Variants in THSD4 observed in about 807,000 individuals in gnomAD.
THSD4 encodes thrombospondin type 1 domain containing 4.
A neutral mutation model predicts 119.0 loss-of-function variants in THSD4; 69 were observed. That is an observed-to-expected ratio of 0.58 (90% CI 0.48 to 0.71). THSD4 has a LOEUF of 0.71. Among genes scored for constraint, THSD4 ranks in the 30% least tolerant of loss-of-function variants. The pLI is 0.00. For synonymous variants in THSD4, 524 were observed against 540.4 expected (o/e 0.97, Z 0.42); for missense variants, 1,393 against 1,391.1 (o/e 1.00, Z -0.02).
rs139840846 is a variant in THSD4, at chr15:71,170,122, C to T, written c.99+15190C>T. Among the ~76,000 whole-genome samples the T allele has an allele frequency of 2.4e-3, 367 of 150,772 alleles. 1 individual carries two copies. Among genetic ancestry groups the T allele is most frequent in the African/African-American group, 8.0e-3 (329 of 40,984 alleles). Reference sequence around the variant, plus strand: ...CCAGGAGGCGGAAGTTGCAGTGAGCCGAGATCTCACTGGGCAACAGAGTGA... The same window carrying T: ...CCAGGAGGCGGAAGTTGCAGTGAGCTGAGATCTCACTGGGCAACAGAGTGA... On this transcript the variant is annotated intron_variant, in intron 3 of 17. Transcript: ENST00000261862.
rs928803325 is a variant in THSD4, at chr15:71,593,402, C to T, written c.1153-67128C>T. Among the ~76,000 whole-genome samples, 2 of 4,626 alleles carry T rather than the reference C, an allele frequency of 4.3e-4. 1 individual carries two copies. Among genetic ancestry groups the T allele is most frequent in the African/African-American group, 5.7e-4 (2 of 3,482 alleles). The allele number at this position is 4,626 out of a possible 152,430, so 3.0% of individuals were successfully genotyped here. A position where few individuals can be genotyped will look rare whatever the true frequency, so the allele number is the denominator to read the frequency against. The stretch of plus-strand genomic sequence containing the variant: ...TCCCGCCACTGCACTCCAGCCTGGG[C>T]GACAGAGAGAGACTCCGTCTCAAAA... On this transcript the variant is annotated intron_variant, in intron 7 of 17. Coordinates refer to ENST00000261862, the MANE Select transcript of THSD4 (RefSeq NM_024817.3).
chr15:71,697,255 C>A (rs554190528), intron 8 of THSD4, among the ~76,000 whole-genome samples: 2 of 151,938 alleles, frequency 1.3e-5, no homozygotes, highest in African/African-American at 4.8e-5. Flanking sequence ...AGGAGCCATG[C>A]GGAAGGGTGA....
chr15:71,141,957 G>T (rs1313508847), intron 2 of THSD4, among the ~76,000 whole-genome samples: 1 of 152,158 alleles, frequency 6.6e-6, no homozygotes, highest in Non-Finnish European at 1.5e-5. Flanking sequence ...TACAAAATTA[G>T]CTGGGCATGG....
At chr15:71,696,202 G>A (rs916598582) in intron 8 of THSD4, among the ~76,000 whole-genome samples, 5 of 152,312 alleles carry the variant, frequency 3.3e-5, no homozygotes, top group South Asian at 2.1e-4. Context: ...TCTGCAGGCC[G>A]AGAAGTTCAA....
chr15:71,213,445 C>T (rs2043903778), intron 3 of THSD4, among the ~76,000 whole-genome samples: 1 of 152,188 alleles, frequency 6.6e-6, no homozygotes. Flanking sequence ...ATTCTCCCCG[C>T]CTTCACCCTG....
At chr15:71,158,265 T>C (rs967434523) in intron 3 of THSD4, among the ~76,000 whole-genome samples, 1 of 151,094 alleles carries the variant, frequency 6.6e-6, no homozygotes, top group African/African-American at 2.4e-5. Flanking sequence ...GTGATTCTTC[T>C]GCCTCAGCCT....
At chr15:71,320,491 C>T (rs1035604134) in intron 6 of THSD4, among the ~76,000 whole-genome samples, 2 of 152,154 alleles carry the variant, frequency 1.3e-5, no homozygotes, top group Non-Finnish European at 2.9e-5. Context: ...CTAAAGGTCC[C>T]AGATGTTACT....
In THSD4 at chr15:71,729,061, T is replaced by G. The variant is rs576405075; in HGVS notation, c.1533+337T>G. 4 of 283,960 alleles carry G rather than the reference T, an allele frequency of 1.4e-5. No individual in the cohort carries two copies. In the South Asian group the frequency reaches 1.9e-4, roughly 14 times the overall value. 17.6% of individuals were successfully genotyped at this position (283,960 alleles called of 1,614,324 possible). Reference sequence around the variant, plus strand: ...TCTCCTCCAGGCACTTTCCTTATACTGCTAATTTGGCATGTTTTCTTTTTA... The same window carrying G: ...TCTCCTCCAGGCACTTTCCTTATACGGCTAATTTGGCATGTTTTCTTTTTA... On this transcript the variant is annotated intron_variant, in intron 9 of 17. Transcript: ENST00000261862.
chr15:71,707,693 C>T (rs2036774422), intron 8 of THSD4, among the ~76,000 whole-genome samples: 1 of 152,108 alleles, frequency 6.6e-6, no homozygotes, highest in Non-Finnish European at 1.5e-5. Context: ...AGCTCACTGG[C>T]CTGGGGTTGA....
chr15:71,268,434 A>G (rs1338699949), intron 6 of THSD4, among the ~76,000 whole-genome samples: 2 of 152,232 alleles, frequency 1.3e-5, no homozygotes, highest in African/African-American at 4.8e-5. Flanking sequence ...ACGTACCAGA[A>G]TCTCTAGGAC....
chr15:71,447,729 G>A (rs1244761691), intron 7 of THSD4, among the ~76,000 whole-genome samples: 1 of 152,194 alleles, frequency 6.6e-6, no homozygotes, highest in Non-Finnish European at 1.5e-5. Flanking sequence ...ACCCTAGAGT[G>A]GTTTAACCAA....
intron 7 of THSD4, among the ~76,000 whole-genome samples, chr15:71,508,196 T>C (rs1456002675): frequency 6.6e-6 from 1 of 152,122 alleles, no homozygotes; most frequent in Non-Finnish European, 1.5e-5. Context: ...GAGCCCAACC[T>C]CAGCTCTACC....
intron 6 of THSD4, among the ~76,000 whole-genome samples, chr15:71,274,176 G>A (rs963022186): frequency 1.3e-5 from 2 of 152,166 alleles, no homozygotes; most frequent in Non-Finnish European, 2.9e-5. Flanking sequence ...AAGGGAAAGT[G>A]GATATGGGAT....
At chr15:71,530,164 T>C (rs374720266) in intron 7 of THSD4, among the ~76,000 whole-genome samples, 12 of 151,986 alleles carry the variant, frequency 7.9e-5, no homozygotes, top group African/African-American at 2.7e-4. Context: ...GAAATTATTA[T>C]TGGAAAATGA....
At chr15:71,479,964 A>G (rs1210285385) in intron 7 of THSD4, among the ~76,000 whole-genome samples, 1 of 152,214 alleles carries the variant, frequency 6.6e-6, no homozygotes. Context: ...GTGTAAGCAC[A>G]CATATGTGTT....
chr15:71,522,685 C>G (rs58880922), intron 7 of THSD4, among the ~76,000 whole-genome samples: 23,927 of 152,184 alleles, frequency 0.16, 1,990 homozygotes, highest in East Asian at 0.25. Flanking sequence ...GCAAGGAGAG[C>G]AAGCCAACCC....
chr15:71,410,348 A>G (rs1770945025), intron 6 of THSD4, among the ~76,000 whole-genome samples: 1 of 152,210 alleles, frequency 6.6e-6, no homozygotes, highest in Admixed American at 6.5e-5. Context: ...GGCCACATCA[A>G]CCTGAGAGGG....
chr15:71,323,368 T>C (rs1372194161), intron 6 of THSD4, among the ~76,000 whole-genome samples: 1 of 152,018 alleles, frequency 6.6e-6, no homozygotes, highest in Non-Finnish European at 1.5e-5. Context: ...GGAGGAAGTC[T>C]AGGAACTAGA....
At chr15:71,184,974 T>G (rs1176642729) in intron 3 of THSD4, among the ~76,000 whole-genome samples, 2 of 151,800 alleles carry the variant, frequency 1.3e-5, no homozygotes, top group Non-Finnish European at 2.9e-5. Flanking sequence ...TTCCCTGCCT[T>G]TAGGCTGACC....
Sources: allele counts gnomAD v4.1 joint callset (sites outside exome capture counted in the v4.1 genomes callset), GRCh38; gene constraint gnomAD v4.1.1; transcripts MANE v1.5; gene names NCBI Gene and HGNC (gene_info 2026-07-23, HGNC 2026-07-21).